Variants in NRG3 observed in about 807,000 individuals in gnomAD.
NRG3 encodes the protein neuregulin 3, also known as pro-neuregulin-3, membrane-bound isoform.
NRG3 carries 31 observed loss-of-function variants against 66.9 expected under a neutral mutation model. The ratio of observed to expected loss-of-function variants is 0.46; its 90% CI spans 0.35 to 0.63. NRG3 has a LOEUF of 0.63. Ranked by LOEUF, NRG3 falls within the 20% of genes least tolerant of loss-of-function variation. The pLI is 0.00. For missense variants in NRG3, 910 were observed against 878.9 expected, an observed-to-expected ratio of 1.04 and a Z score of -0.45; for synonymous variants, 393 against 359.4, an observed-to-expected ratio of 1.09 and a Z score of -1.06.
At chr10:82,034,849 C>A (rs71483384) in intron 1 of NRG3, among the ~76,000 whole-genome samples, 32,675 of 151,816 alleles carry the variant, frequency 0.22, 3,604 homozygotes, top group Middle Eastern at 0.26. Flanking sequence ...TTGAGAGACC[C>A]CAGAGCACCT....
chr10:82,519,439 T>C (rs972009121), intron 2 of NRG3, among the ~76,000 whole-genome samples: 4 of 152,194 alleles, frequency 2.6e-5, no homozygotes, highest in Admixed American at 6.5e-5. Context: ...GTAGGCGTTA[T>C]GGGGTGGAGG....
chr10:82,484,202 T>C (rs1842501988), intron 2 of NRG3, among the ~76,000 whole-genome samples: 1 of 152,188 alleles, frequency 6.6e-6, no homozygotes, highest in Non-Finnish European at 1.5e-5. Flanking sequence ...CAAATCCCTG[T>C]TTTTCATTCC....
chr10:82,049,795 G>T (rs190158593), intron 1 of NRG3, among the ~76,000 whole-genome samples: 20 of 151,912 alleles, frequency 1.3e-4, no homozygotes, highest in Admixed American at 9.2e-4. Context: ...CCAGAGCTCA[G>T]TTTAAAAGCA....
At chr10:82,692,756 C>A (rs1477311816) in intron 2 of NRG3, among the ~76,000 whole-genome samples, 3 of 152,230 alleles carry the variant, frequency 2.0e-5, no homozygotes, top group African/African-American at 7.2e-5. Context: ...CTGGTGTAAA[C>A]ACTTGTGGGA....
chr10:81,893,826 A>G (rs932013383), intron 1 of NRG3, among the ~76,000 whole-genome samples: 2 of 152,192 alleles, frequency 1.3e-5, no homozygotes. Flanking sequence ...TGAGGGCTTC[A>G]CCGCAGGCAG....
chr10:82,735,697 T>C (rs145100017), intron 2 of NRG3, among the ~76,000 whole-genome samples: 1,591 of 151,682 alleles, frequency 0.01, 25 homozygotes, highest in African/African-American at 0.037. Context: ...TAAGTGGGAG[T>C]TGAACAATGA....
intron 1 of NRG3, among the ~76,000 whole-genome samples, chr10:81,884,150 A>C (rs934078862): frequency 6.6e-6 from 1 of 152,210 alleles, no homozygotes; most frequent in Non-Finnish European, 1.5e-5. Flanking sequence ...AGTGTTTTAC[A>C]GGTAATCTCT....
chr10:81,879,125 G>T (rs1841957272), intron 1 of NRG3, among the ~76,000 whole-genome samples: 1 of 152,194 alleles, frequency 6.6e-6, no homozygotes, highest in Non-Finnish European at 1.5e-5. Context: ...CGTTTAGGCC[G>T]TGAGCTGGAC....
chr10:81,912,001 G>T (rs1209688589), intron 1 of NRG3, among the ~76,000 whole-genome samples: 3 of 152,046 alleles, frequency 2.0e-5, no homozygotes, highest in Non-Finnish European at 4.4e-5. Context: ...GTGCAGGCAA[G>T]GAGAAAGATA....
chr10:82,103,081 C>G lies in NRG3; in HGVS notation c.823+226918C>G, dbSNP rs184917945. On this transcript the variant is annotated intron_variant, in intron 1 of 8. Transcript: ENST00000372141. The stretch of plus-strand genomic sequence containing the variant: ...TCATCTGAGAATATCTTTATTTTAT[C>G]TTCCTTCTTAAAGAATATTTTTATT... Among the ~76,000 whole-genome samples the G allele has an allele frequency of 3.0e-4, 45 of 152,086 alleles. No individual in the cohort carries two copies. The East Asian group carries it at 8.5e-3, about 29-fold the overall frequency.
At chr10:82,405,190 A>G (rs972488764) in intron 2 of NRG3, among the ~76,000 whole-genome samples, 2 of 152,268 alleles carry the variant, frequency 1.3e-5, no homozygotes, top group East Asian at 3.9e-4. Flanking sequence ...GTCACATATT[A>G]TATTAGATAT....
intron 1 of NRG3, among the ~76,000 whole-genome samples, chr10:82,277,552 G>A (rs937720548): frequency 3.3e-5 from 5 of 152,054 alleles, no homozygotes; most frequent in Non-Finnish European, 7.4e-5. Context: ...TAAAATTCCA[G>A]ATTTAGTAGT....
intron 4 of NRG3, among the ~76,000 whole-genome samples, chr10:82,924,181 T>A (rs996981676): frequency 1.4e-5 from 2 of 148,108 alleles, no homozygotes; most frequent in Admixed American, 6.7e-5. Context: ...CAGAAAGCAC[T>A]AAACAAATGT....
chr10:82,623,419 C>A (rs1170696946), intron 2 of NRG3, among the ~76,000 whole-genome samples: 1 of 152,186 alleles, frequency 6.6e-6, no homozygotes, highest in Non-Finnish European at 1.5e-5. Context: ...CCAGTGTGGA[C>A]TCTGAATCAG....
At chr10:81,969,722 T>C (rs2059856560) in intron 1 of NRG3, among the ~76,000 whole-genome samples, 1 of 152,134 alleles carries the variant, frequency 6.6e-6, no homozygotes, top group South Asian at 2.1e-4. Flanking sequence ...GTTGCTAGGT[T>C]GAGGCAACTT....
At chr10:82,269,328 T>G (rs2078472031) in intron 1 of NRG3, among the ~76,000 whole-genome samples, 1 of 152,210 alleles carries the variant, frequency 6.6e-6, no homozygotes, top group East Asian at 1.9e-4. Flanking sequence ...GCATATGCTT[T>G]CTTTTCCTTT....
chr10:82,459,891 C>T (rs1416373833), intron 2 of NRG3, among the ~76,000 whole-genome samples: 1 of 152,162 alleles, frequency 6.6e-6, no homozygotes. Context: ...TTCATTTGCT[C>T]ATTGCTCTGG....
chr10:82,400,073 A>G (rs1029659246), intron 2 of NRG3, among the ~76,000 whole-genome samples: 2 of 152,204 alleles, frequency 1.3e-5, no homozygotes, highest in African/African-American at 2.4e-5. Flanking sequence ...TCGTTTACAG[A>G]TATTAAATAA....
At chr10:81,966,386 C>T (rs1233012912) in intron 1 of NRG3, among the ~76,000 whole-genome samples, 1 of 151,498 alleles carries the variant, frequency 6.6e-6, no homozygotes, top group Non-Finnish European at 1.5e-5. Context: ...CTTTCACTGC[C>T]TTATCCTCTT....
Sources: gnomAD v4.1 joint callset for allele counts (sites outside exome capture counted in the v4.1 genomes callset) on GRCh38, gnomAD v4.1.1 for gene constraint, MANE v1.5 for transcripts, NCBI Gene and HGNC (gene_info 2026-07-23, HGNC 2026-07-21) for gene names.